Variants in ADGRL3 observed in about 807,000 individuals in gnomAD.
ADGRL3 encodes the protein calcium-independent alpha-latrotoxin receptor 3.
In ADGRL3, 62 loss-of-function variants were observed where a neutral mutation model predicts 153.5. The ratio of observed to expected loss-of-function variants is 0.40; its 90% confidence interval spans 0.33 to 0.50. ADGRL3 has a LOEUF of 0.50. ADGRL3 is among the 20% of genes least tolerant of loss of function. The probability of loss-of-function intolerance (pLI) is 0.47; values close to 1 mark genes in which losing one functional copy is unlikely to be tolerated. For missense variants in ADGRL3, 1,641 were observed against 1,859.4 expected, an observed-to-expected ratio of 0.88 and a Z score of 2.16; for synonymous variants, 710 against 672.5, an observed-to-expected ratio of 1.06 and a Z score of -0.86.
At chr4:61,976,478 A>T (rs2099048474) in intron 17 of ADGRL3, among the ~76,000 whole-genome samples, 1 of 152,176 alleles carries the variant, frequency 6.6e-6, no homozygotes, top group African/African-American at 2.4e-5. Context: ...GCAATAATCA[A>T]GTGATAAGGA....
At chr4:61,644,147 A>AT (rs1157360897) in intron 5 of ADGRL3, among the ~76,000 whole-genome samples, 1 of 130,132 alleles carries the variant, frequency 7.7e-6, no homozygotes, top group African/African-American at 2.9e-5. Flanking sequence ...CCCCTTTATC[A>AT]TTTTTTATTG....
intron 8 of ADGRL3, among the ~76,000 whole-genome samples, chr4:61,794,049 C>T (rs986210176): frequency 6.6e-6 from 1 of 152,084 alleles, no homozygotes; most frequent in African/African-American, 2.4e-5. Flanking sequence ...AAAAAAGGTG[C>T]TAGGTGCTAT....
chr4:61,813,496 T>C (rs1012200506), intron 8 of ADGRL3, among the ~76,000 whole-genome samples: 9 of 152,180 alleles, frequency 5.9e-5, no homozygotes, highest in Admixed American at 3.9e-4. Flanking sequence ...TTTTGTTTTA[T>C]ATGTCTTTGC....
chr4:61,492,988 T>A (rs2098273997), intron 2 of ADGRL3, among the ~76,000 whole-genome samples: 1 of 152,104 alleles, frequency 6.6e-6, no homozygotes, highest in African/African-American at 2.4e-5. Flanking sequence ...TTAAGACAGA[T>A]AACCACTAAG....
At position 61,888,997 on chromosome 4, in the gene ADGRL3, T is replaced by A. The variant is rs549147817; in HGVS notation, c.1481-3659T>A. Reference sequence around the variant, plus strand: ...ATTGTACACACTCTTAACCACCCCATTTGCTTGTCCCACTTTATCCTTTCT... The same window carrying A: ...ATTGTACACACTCTTAACCACCCCAATTGCTTGTCCCACTTTATCCTTTCT... On this transcript the variant is annotated intron_variant, in intron 9 of 26. Coordinates refer to ENST00000683033, the MANE Select transcript of ADGRL3 (RefSeq NM_001387552.1). Among the ~76,000 whole-genome samples the A allele has an allele frequency of 5.3e-5, 8 of 152,298 alleles. No homozygotes were observed. The South Asian group carries it at 1.0e-3, about 20-fold the overall frequency.
chr4:61,674,150 ATAGATAG>A (rs1561042178), intron 5 of ADGRL3, among the ~76,000 whole-genome samples: 18 of 9,452 alleles, frequency 1.9e-3, no homozygotes, highest in African/African-American at 4.8e-3. Context: ...GCATTTTTAG[ATAGATAG>A]ATAGATAGAT....
chr4:61,765,367 A>C (rs1261237670), intron 8 of ADGRL3, among the ~76,000 whole-genome samples: 5 of 152,158 alleles, frequency 3.3e-5, no homozygotes, highest in African/African-American at 1.2e-4. Context: ...TGTACCCTGT[A>C]GCATTCTGAA....
intron 2 of ADGRL3, among the ~76,000 whole-genome samples, chr4:61,391,642 T>G (rs938669002): frequency 6.6e-6 from 1 of 152,072 alleles, no homozygotes; most frequent in Non-Finnish European, 1.5e-5. Context: ...TTTTTTTTAT[T>G]TCTAAGTTTC....
At chr4:61,992,617 G>A (rs1290667690) in intron 19 of ADGRL3, among the ~76,000 whole-genome samples, 1 of 152,134 alleles carries the variant, frequency 6.6e-6, no homozygotes, top group Non-Finnish European at 1.5e-5. Flanking sequence ...CAGCCCTCAT[G>A]GAGGGATGAT....
intron 22 of ADGRL3, among the ~76,000 whole-genome samples, chr4:62,029,315 A>G (rs1224925388): frequency 6.6e-6 from 1 of 151,792 alleles, no homozygotes; most frequent in Non-Finnish European, 1.5e-5. Context: ...ACCCAATTGC[A>G]ATTGATATTA....
At chr4:61,440,642 G>A (rs551729043) in intron 2 of ADGRL3, among the ~76,000 whole-genome samples, 104 of 151,304 alleles carry the variant, frequency 6.9e-4, no homozygotes, top group African/African-American at 2.3e-3. Flanking sequence ...TAGGAGCTGA[G>A]TTGCTGTCTG....
At chr4:61,351,019 C>T (rs576502081) in intron 1 of ADGRL3, among the ~76,000 whole-genome samples, 1 of 152,304 alleles carries the variant, frequency 6.6e-6, no homozygotes, top group East Asian at 1.9e-4. Flanking sequence ...AAAGCTAGGA[C>T]TTTTGTCCCA....
chr4:61,365,435 A>T (rs2096377726), intron 1 of ADGRL3, among the ~76,000 whole-genome samples: 1 of 152,194 alleles, frequency 6.6e-6, no homozygotes, highest in Non-Finnish European at 1.5e-5. Context: ...ATTTGGGCTA[A>T]ACTATCTCAG....
intron 4 of ADGRL3, among the ~76,000 whole-genome samples, chr4:61,555,027 G>A (rs1190613589): frequency 1.3e-5 from 2 of 152,178 alleles, no homozygotes; most frequent in East Asian, 1.9e-4. Context: ...GGTAGTAAGA[G>A]CTGTCTCATT....
intron 4 of ADGRL3, among the ~76,000 whole-genome samples, chr4:61,567,571 G>A (rs150272702): frequency 6.6e-6 from 1 of 152,214 alleles, no homozygotes; most frequent in Non-Finnish European, 1.5e-5. Context: ...CCTTGTTCTT[G>A]GACCTCCCAG....
intron 11 of ADGRL3, among the ~76,000 whole-genome samples, chr4:61,908,617 A>T (rs998647356): frequency 2.6e-5 from 4 of 152,000 alleles, no homozygotes; most frequent in African/African-American, 4.8e-5. Flanking sequence ...TCAAAAAAAA[A>T]AAAAAAAGTC....
At position 61,780,978 on chromosome 4, in the gene ADGRL3, A is replaced by G. The variant is rs182418313; in HGVS notation, c.1400-32831A>G. On this transcript the variant is annotated intron_variant, in intron 8 of 26. Coordinates refer to ENST00000683033, the MANE Select transcript of ADGRL3 (RefSeq NM_001387552.1). Reference sequence around the variant, plus strand: ...AATCTGTTGAATTAAATATTCTAATATGGTTAAAAGGGACTCTAAAAACAT... The same window carrying G: ...AATCTGTTGAATTAAATATTCTAATGTGGTTAAAAGGGACTCTAAAAACAT... 5.3e-5 allele frequency among the ~76,000 whole-genome samples: 8 copies of G among 152,220 alleles called. No individual in the cohort carries two copies. In the South Asian group the frequency reaches 8.3e-4, roughly 16 times the overall value.
At chr4:61,391,854 A>ATT (rs2096807117) in intron 2 of ADGRL3, among the ~76,000 whole-genome samples, 2 of 120,834 alleles carry the variant, frequency 1.7e-5, no homozygotes, top group Admixed American at 8.1e-5. Flanking sequence ...GAAAAATGCT[A>ATT]CTTTTTTTTT....
chr4:61,279,169 C>T (rs1255128287), intron 1 of ADGRL3, among the ~76,000 whole-genome samples: 1 of 152,116 alleles, frequency 6.6e-6, no homozygotes, highest in Non-Finnish European at 1.5e-5. Context: ...GGGGCAGATA[C>T]TTTAAAAATA....
Sources: allele counts gnomAD v4.1 joint callset (sites outside exome capture counted in the v4.1 genomes callset), GRCh38; gene constraint gnomAD v4.1.1; transcripts MANE v1.5; gene names NCBI Gene and HGNC (gene_info 2026-07-23, HGNC 2026-07-21).